CDH4: variants seen among roughly 807,000 people sequenced by gnomAD.
CDH4 encodes cadherin 4.
CDH4 carries 33 observed loss-of-function variants against 86.0 expected under a neutral mutation model. The observed-to-expected ratio is 0.38, with a 90% confidence interval of 0.29 to 0.51. The LOEUF (loss-of-function observed/expected upper bound fraction) is 0.51, where lower values mean the gene tolerates loss of function less well. Ranked by LOEUF, CDH4 falls within the 20% of genes least tolerant of loss-of-function variation. The pLI is 0.86. For synonymous variants in CDH4, 555 were observed against 549.4 expected (o/e 1.01, Z -0.14); for missense variants, 1,114 against 1,307.4 (o/e 0.85, Z 2.28).
At chr20:61,614,169 T>C (rs1339053393) in intron 2 of CDH4, among the ~76,000 whole-genome samples, 1 of 152,072 alleles carries the variant, frequency 6.6e-6, no homozygotes, top group Non-Finnish European at 1.5e-5. Context: ...TGAAGTGACT[T>C]AGGGTGGACC....
rs151072387 is a variant in CDH4, at chr20:61,910,449, G to T, written c.1216G>T (p.Val406Leu). ...TFAGEVPENR[V>L]ETVVANLTVM... Reference sequence around the variant, plus strand: ...TGCAGGGGAGGTCCCCGAAAACCGCGTGGAGACCGTGGTCGCAAACCTCAC... The same window carrying T: ...TGCAGGGGAGGTCCCCGAAAACCGCTTGGAGACCGTGGTCGCAAACCTCAC... The change falls in exon 9 of 16, where the codon GTG becomes TTG. Residue 406 changes from valine to leucine, a missense_variant. Physicochemically the swap from Val to Leu is conservative, Grantham distance 32. Around this residue, in one of 3 missense-constraint regions of CDH4, gnomAD observed 705 missense variants for 914.1 expected, o/e 0.77. Coordinates refer to ENST00000614565, the MANE Select transcript of CDH4 (RefSeq NM_001794.5). 27 of 1,613,628 alleles carry T rather than the reference G, an allele frequency of 1.7e-5. No homozygotes were observed. Among genetic ancestry groups the T allele is most frequent in the African/African-American group, 2.7e-5 (2 of 74,918 alleles).
intron 2 of CDH4, among the ~76,000 whole-genome samples, chr20:61,526,336 C>T (rs1343885591): frequency 1.3e-5 from 2 of 152,126 alleles, no homozygotes; most frequent in Admixed American, 6.6e-5. Context: ...TTCTAAAACA[C>T]GAGTCCCCCA....
chr20:61,514,310 CCCCCG>C (rs1568872318), intron 2 of CDH4, among the ~76,000 whole-genome samples: 1 of 127,452 alleles, frequency 7.8e-6, no homozygotes, highest in African/African-American at 3.8e-5. Flanking sequence ...CAGTCCGCCC[CCCCCG>C]CCCCCCCCCA....
At chr20:61,505,886 C>T (rs1289252327) in intron 2 of CDH4, among the ~76,000 whole-genome samples, 1 of 143,194 alleles carries the variant, frequency 7.0e-6, no homozygotes, top group Non-Finnish European at 1.6e-5. Context: ...CCATTCTTCC[C>T]AATTAATAAA....
Position 61,895,048 on chromosome 20 carries a change from G to T in CDH4, c.1188+1G>T. On this transcript the variant is annotated splice_donor_variant, in intron 8 of 15. Coordinates refer to ENST00000614565, the MANE Select transcript of CDH4 (RefSeq NM_001794.5). LOFTEE classifies it high-confidence loss of function. ...CCCGCCAGAATTTACCGCCAGCACG[G>T]TGAGTCCCTCGAAGCTGCCCAGTGA... 6.2e-7 allele frequency: 1 copy of T among 1,613,510 alleles called. No homozygotes were observed. The highest frequency in any genetic ancestry group is 8.5e-7 in the Non-Finnish European group (1 of 1,179,846).
At chr20:61,275,460 C>T (rs1170737971) in intron 2 of CDH4, among the ~76,000 whole-genome samples, 1 of 102,230 alleles carries the variant, frequency 9.8e-6, no homozygotes, top group Non-Finnish European at 1.8e-5. Context: ...GGGGGAGTAC[C>T]GTGCACAGTT....
chr20:61,440,055 A>G (rs1234950159), intron 2 of CDH4, among the ~76,000 whole-genome samples: 3 of 152,366 alleles, frequency 2.0e-5, no homozygotes, highest in African/African-American at 7.2e-5. Context: ...CCTCAGTGCA[A>G]TGGAGTTGGT....
At chr20:61,904,164 G>A (rs945559306) in intron 8 of CDH4, among the ~76,000 whole-genome samples, 7 of 152,192 alleles carry the variant, frequency 4.6e-5, no homozygotes, top group African/African-American at 1.7e-4. Flanking sequence ...GGCGGGAGCC[G>A]TCATCGGGGC....
chr20:61,534,624 G>A (rs1327301375), intron 2 of CDH4, among the ~76,000 whole-genome samples: 1 of 143,746 alleles, frequency 7.0e-6, no homozygotes, highest in Non-Finnish European at 1.5e-5. Flanking sequence ...GATTCTAAGT[G>A]GTGGTTTTTT....
At chr20:61,324,049 T>C (rs569505266) in intron 2 of CDH4, among the ~76,000 whole-genome samples, 291 of 152,306 alleles carry the variant, frequency 1.9e-3, no homozygotes, top group Middle Eastern at 3.4e-3. Flanking sequence ...TGCCATTTAC[T>C]TTTGTATAAA....
At chr20:61,545,997 C>T (rs1313746926) in intron 2 of CDH4, among the ~76,000 whole-genome samples, 1 of 30,806 alleles carries the variant, frequency 3.2e-5, no homozygotes, top group African/African-American at 1.3e-4. Flanking sequence ...GGTGTCTGTG[C>T]ATGTGTGGAG....
chr20:61,286,402 CAT>C (rs2084293538), intron 2 of CDH4, among the ~76,000 whole-genome samples: 2 of 152,232 alleles, frequency 1.3e-5, no homozygotes. Flanking sequence ...CTGTTTCACA[CAT>C]GTGACCCCAT....
At chr20:61,294,202 G>T (rs1363217611) in intron 2 of CDH4, among the ~76,000 whole-genome samples, 1 of 152,182 alleles carries the variant, frequency 6.6e-6, no homozygotes, top group East Asian at 1.9e-4. Context: ...GGCTGACCTG[G>T]AGGCTGGGGG....
chr20:61,536,950 C>T (rs1168491476), intron 2 of CDH4, among the ~76,000 whole-genome samples: 3 of 152,198 alleles, frequency 2.0e-5, no homozygotes, highest in African/African-American at 7.2e-5. Context: ...CCCTATGCTC[C>T]AGTGCCTGGG....
intron 4 of CDH4, among the ~76,000 whole-genome samples, chr20:61,794,142 CAAA>C (rs59426596): frequency 1.6e-5 from 2 of 121,664 alleles, no homozygotes. Context: ...GACTCTATCT[CAAA>C]AAAAAAAAAA....
intron 2 of CDH4, among the ~76,000 whole-genome samples, chr20:61,463,787 G>A (rs191455167): frequency 3.8e-4 from 58 of 152,326 alleles, no homozygotes; most frequent in African/African-American, 1.2e-3. Flanking sequence ...AACAAAAGGC[G>A]GGAGGGATAT....
chr20:61,830,668 C>T (rs911176745), intron 4 of CDH4, among the ~76,000 whole-genome samples: 1 of 152,244 alleles, frequency 6.6e-6, no homozygotes, highest in Non-Finnish European at 1.5e-5. Flanking sequence ...ACTTGGTCCC[C>T]CTTCCTCACC....
intron 2 of CDH4, among the ~76,000 whole-genome samples, chr20:61,716,983 C>T (rs2087963161): frequency 6.6e-6 from 1 of 152,204 alleles, no homozygotes; most frequent in Admixed American, 6.5e-5. Context: ...GAATGTGGTT[C>T]TTGGGCAGGC....
At chr20:61,502,909 A>T (rs1231797968) in intron 2 of CDH4, among the ~76,000 whole-genome samples, 1 of 152,166 alleles carries the variant, frequency 6.6e-6, no homozygotes, top group East Asian at 1.9e-4. Flanking sequence ...TTGTTGGGGC[A>T]ATTTATTTAC....
Sources: gnomAD v4.1 joint callset for allele counts (sites outside exome capture counted in the v4.1 genomes callset) on GRCh38, gnomAD v4.1.1 for gene constraint, gnomAD v4.1.1 regional missense constraint, MANE v1.5 for transcripts, NCBI Gene and HGNC (gene_info 2026-07-23, HGNC 2026-07-21) for gene names.